NOC2L: variants seen among roughly 807,000 people sequenced by gnomAD.
NOC2L encodes NOC2 like nucleolar associated transcriptional repressor, also known as nucleolar complex protein 2 homolog.
A neutral mutation model predicts 94.2 loss-of-function variants in NOC2L; 101 were observed. The ratio of observed to expected loss-of-function variants is 1.07; its 90% CI spans 0.91 to 1.26. The LOEUF is 1.26. NOC2L is among the 50% of genes most tolerant of loss of function. The pLI is 0.00. For synonymous variants in NOC2L, 531 were observed against 413.4 expected (o/e 1.28, Z -3.45); for missense variants, 1,076 against 980.1 (o/e 1.10, Z -1.31).
intron 6 of NOC2L, 74 bp from the exon 7 acceptor site, chr1:954,156 G>A (rs761614862): frequency 3.8e-5 from 56 of 1,456,058 alleles, no homozygotes; most frequent in Middle Eastern, 1.8e-4. Flanking sequence ...ATGTTGGCGC[G>A]TGCCCTGGCC....
chr1:955,718 G>A (rs571338553), intron 6 of NOC2L, among the ~76,000 whole-genome samples: 39 of 152,334 alleles, frequency 2.6e-4, no homozygotes, highest in African/African-American at 8.7e-4. Flanking sequence ...TTTTCAGGAA[G>A]GAAAGAAGGT....
Position 944,671 on chromosome 1 carries a change from A to G in NOC2L, c.*23T>C, listed in dbSNP as rs775840047. 6.7e-7 allele frequency: 1 copy of G among 1,489,496 alleles called. No homozygotes were observed. The highest frequency in any genetic ancestry group is 1.2e-5 in the South Asian group (1 of 86,796). The allele number at this position is 1,489,496 out of a possible 1,614,324, so 92.3% of individuals were successfully genotyped here. A position where few individuals can be genotyped will look rare whatever the true frequency, so the allele number is the denominator to read the frequency against. ...ACTGGCCACCAGCCCGGCAGCCCCT[A>G]CAGGCCCCCCAGATGGGCTGCCTCA... On this transcript the variant is annotated 3_prime_UTR_variant, in exon 19 of 19. Transcript: ENST00000327044.
In NOC2L at chr1:957,335, C is replaced by T. The variant is rs547839433; in HGVS notation, c.180-62G>A. On this transcript the variant is annotated intron_variant, in intron 2 of 18. Transcript: ENST00000327044. Reference sequence around the variant, plus strand: ...GGAAGTAGAGGGGGCGGGGAGTGGCCTACAGGGTCAGTCTACTCCCTTCAC... The same window carrying T: ...GGAAGTAGAGGGGGCGGGGAGTGGCTTACAGGGTCAGTCTACTCCCTTCAC... 382 of 1,530,430 alleles carry T rather than the reference C, an allele frequency of 2.5e-4. 3 individuals carry two copies. In the South Asian group the frequency reaches 3.7e-3, roughly 15 times the overall value. The allele number at this position is 1,530,430 out of a possible 1,614,324, so 94.8% of individuals were successfully genotyped here. A position where few individuals can be genotyped will look rare whatever the true frequency, so the allele number is the denominator to read the frequency against.
intron 17 of NOC2L, 25 bp from the exon 18 acceptor site, chr1:945,171 T>C (rs756825880): frequency 1.5e-5 from 24 of 1,572,522 alleles, no homozygotes; most frequent in African/African-American, 5.4e-5. Flanking sequence ...GCAGAGTCCA[T>C]ATGACTCCCA....
chr1:957,279 G>A lies in NOC2L; in HGVS notation c.180-6C>T, dbSNP rs202135008. 3.1e-6 allele frequency: 5 copies of A among 1,612,866 alleles called. No individual in the cohort carries two copies. Among genetic ancestry groups the A allele is most frequent in the African/African-American group, 2.7e-5 (2 of 74,932 alleles). On this transcript the variant is annotated splice_region_variant and splice_polypyrimidine_tract_variant and intron_variant, in intron 2 of 18. Transcript: ENST00000327044. ...AGGCACGGCCTTTACGCCGGCTGAG[G>A]AGGCAGAAGTCAGCGACCCCAGTGG...
At chr1:958,443 T>A (rs1173171774) in intron 2 of NOC2L, 5 of 331,346 alleles carry the variant, frequency 1.5e-5, no homozygotes, top group Non-Finnish European at 2.4e-5. Flanking sequence ...AGAGACATGA[T>A]TTTTCCGTGT....
In NOC2L at chr1:959,230, G is replaced by GC. The variant is rs772988049; in HGVS notation, c.10dup (p.Ala4GlyfsTer22). ...CGCGGCTTACCTCTTGCGGCTCCCC[G>GC]CAGCTGCCATGACACCAACCCGAAG... On this transcript the variant is annotated frameshift_variant, in exon 1 of 19. Transcript: ENST00000327044. LOFTEE classifies it high-confidence loss of function. 1.9e-6 allele frequency: 3 copies of GC among 1,606,698 alleles called. No individual in the cohort carries two copies. In the East Asian group the frequency reaches 6.7e-5, roughly 36 times the overall value.
At chr1:948,364 C>T (rs1338014733) in intron 13 of NOC2L, 126 bp downstream of exon 13, 2 of 1,048,712 alleles carry the variant, frequency 1.9e-6, no homozygotes, top group East Asian at 5.2e-5. Context: ...TCCTGGGCCC[C>T]AGCCCTGGGA....
At chr1:951,679 G>A (rs76456117) in intron 11 of NOC2L, among the ~76,000 whole-genome samples, 12,529 of 152,244 alleles carry the variant, frequency 0.082, 952 homozygotes, top group African/African-American at 0.21. Flanking sequence ...TGCATCAGAT[G>A]TGCTCCACCC....
intron 2 of NOC2L, chr1:958,531 T>C (rs1399725938): frequency 2.6e-6 from 1 of 391,094 alleles, no homozygotes; most frequent in Non-Finnish European, 5.1e-6. Context: ...ATTACAGGCG[T>C]GAGCCACCGA....
At chr1:948,343 A>C in intron 13 of NOC2L, 111 bp from the exon 14 acceptor site, 1 of 1,093,058 alleles carries the variant, frequency 9.1e-7, no homozygotes, top group Non-Finnish European at 1.4e-6. Flanking sequence ...CACGGACTGC[A>C]AGGAAGGGGC....
intron 14 of NOC2L, among the ~76,000 whole-genome samples, chr1:947,442 G>T (rs543706392): frequency 5.3e-5 from 8 of 152,356 alleles, no homozygotes; most frequent in African/African-American, 1.9e-4. Flanking sequence ...CATGTGAGCA[G>T]ATCCCTCCTC....
intron 12 of NOC2L, among the ~76,000 whole-genome samples, 157 bp from the exon 13 acceptor site, chr1:948,760 G>A (rs954015958): frequency 4.0e-3 from 43 of 10,778 alleles, no homozygotes; most frequent in Non-Finnish European, 0.015. Context: ...GACCCAACCC[G>A]AAACAAGAGA....
At chr1:957,548 C>T (rs1310690183) in intron 2 of NOC2L, 3 of 446,312 alleles carry the variant, frequency 6.7e-6, no homozygotes, top group African/African-American at 2.0e-5. Context: ...CTTCCCTGGA[C>T]TTGCTGTGCC....
At chr1:953,534 C>T (rs1002780898) in intron 8 of NOC2L, among the ~76,000 whole-genome samples, 7 of 152,234 alleles carry the variant, frequency 4.6e-5, no homozygotes, top group African/African-American at 1.2e-4. Context: ...GAGATCACAC[C>T]GGGAAGAAGA....
At position 957,153 on chromosome 1, in the gene NOC2L, C is replaced by G. The variant is rs574900813; in HGVS notation, c.300G>C (p.Ser100=). Residue 100 remains serine, a synonymous_variant, in exon 3 of 19, where the codon TCG becomes TCC. Coordinates refer to ENST00000327044, the MANE Select transcript of NOC2L (RefSeq NM_015658.4). The stretch of plus-strand genomic sequence containing the variant: ...GCCCCTCTTCCTCCTCAGAGCTGTC[C>G]GAGTCGCTGAAGTTTAGCAGGCTCT... ...NDQSLLNFSD[S]DSSEEEEGPF... 1.9e-6 allele frequency: 3 copies of G among 1,614,078 alleles called. No individual in the cohort carries two copies.
At chr1:945,692 G>A in intron 16 of NOC2L, 39 bp from the exon 17 acceptor site, 2 of 1,613,774 alleles carry the variant, frequency 1.2e-6, no homozygotes, top group South Asian at 1.1e-5. Context: ...GTGAGAGAGG[G>A]CAGGGGCTGG....
At chr1:951,879 G>T in intron 11 of NOC2L, 121 bp downstream of exon 11, 1 of 1,133,886 alleles carries the variant, frequency 8.8e-7, no homozygotes, top group South Asian at 1.6e-5. Flanking sequence ...CCTTCCTCAG[G>T]GACGGCCAGG....
chr1:949,870 C>T (rs530436789), intron 12 of NOC2L, among the ~76,000 whole-genome samples: 1 of 152,294 alleles, frequency 6.6e-6, no homozygotes, highest in African/African-American at 2.4e-5. Flanking sequence ...ACCTTCTGGA[C>T]CCAGCAACCT....
Sources: allele counts gnomAD v4.1 joint callset (sites outside exome capture counted in the v4.1 genomes callset), GRCh38; gene constraint gnomAD v4.1.1; transcripts MANE v1.5; gene names NCBI Gene and HGNC (gene_info 2026-07-23, HGNC 2026-07-21).